Variants in LRBA observed in about 807,000 individuals in gnomAD.
The protein encoded by LRBA is lipopolysaccharide-responsive and beige-like anchor protein.
In LRBA, 176 loss-of-function variants were observed where a neutral mutation model predicts 330.0. The ratio of observed to expected loss-of-function variants is 0.53; its 90% CI spans 0.47 to 0.60. LRBA has a LOEUF of 0.60. LRBA is among the 20% of genes least tolerant of loss of function. The pLI, the probability that LRBA is intolerant of heterozygous loss-of-function variation, is 0.00. For missense variants in LRBA, 3,259 were observed against 3,444.8 expected (o/e 0.95, Z 1.35); for synonymous variants, 1,230 against 1,193.0 (o/e 1.03, Z -0.64).
chr4:150,834,689 T>A (rs1314975103), intron 28 of LRBA, among the ~76,000 whole-genome samples: 1 of 152,206 alleles, frequency 6.6e-6, no homozygotes, highest in Non-Finnish European at 1.5e-5. Context: ...TAATTGTGCA[T>A]TGGCTTTAAC....
chr4:150,653,267 A>T (rs1779878212), intron 37 of LRBA, among the ~76,000 whole-genome samples: 1 of 152,212 alleles, frequency 6.6e-6, no homozygotes, highest in African/African-American at 2.4e-5. Context: ...TCAAAATATT[A>T]GGTTTTTGAC....
chr4:150,370,480 A>G (rs1740102670), intron 47 of LRBA, among the ~76,000 whole-genome samples: 1 of 151,810 alleles, frequency 6.6e-6, no homozygotes, highest in Non-Finnish European at 1.5e-5. Context: ...TACATTGGAA[A>G]AGGCAAAACT....
intron 40 of LRBA, among the ~76,000 whole-genome samples, chr4:150,522,220 T>C (rs575204275): frequency 6.6e-6 from 1 of 152,238 alleles, no homozygotes; most frequent in South Asian, 2.1e-4. Flanking sequence ...GCCTCAATCT[T>C]GGTCTTTTCA....
chr4:150,507,358 T>C (rs1761233973), intron 40 of LRBA, among the ~76,000 whole-genome samples: 1 of 152,144 alleles, frequency 6.6e-6, no homozygotes, highest in Admixed American at 6.5e-5. Context: ...CAAAACAGCA[T>C]GGTACTGGTA....
At position 150,535,557 on chromosome 4, in the gene LRBA, G is replaced by A. The variant is rs187091291; in HGVS notation, c.6331-44522C>T. 1.1e-3 allele frequency among the ~76,000 whole-genome samples: 165 copies of A among 152,110 alleles called. 2 individuals carry two copies. The highest frequency in any genetic ancestry group is 3.5e-4 in the Non-Finnish European group (24 of 68,000). ...TAAATAAATGCAAATTACAATTCAC[G>A]CAAGAACAGTAATTCCCAATATATT... On this transcript the variant is annotated intron_variant, in intron 40 of 56. Coordinates refer to ENST00000651943, the MANE Select transcript of LRBA (RefSeq NM_001364905.1).
intron 2 of LRBA, among the ~76,000 whole-genome samples, chr4:150,973,625 A>G (rs1739829743): frequency 6.6e-6 from 1 of 152,254 alleles, no homozygotes; most frequent in Non-Finnish European, 1.5e-5. Flanking sequence ...GTGTGATTAC[A>G]TATAAGATAA....
intron 47 of LRBA, among the ~76,000 whole-genome samples, chr4:150,377,067 G>C (rs1462756092): frequency 6.6e-6 from 1 of 151,496 alleles, no homozygotes; most frequent in African/African-American, 2.4e-5. Flanking sequence ...GCCAAGGTCG[G>C]GGATAACCTG....
intron 4 of LRBA, among the ~76,000 whole-genome samples, chr4:150,923,817 T>C (rs985835131): frequency 5.3e-5 from 8 of 152,192 alleles, no homozygotes; most frequent in Admixed American, 2.0e-4. Context: ...AATGAAATCA[T>C]TGGTTTGCCT....
intron 2 of LRBA, among the ~76,000 whole-genome samples, chr4:150,961,426 T>A (rs1738134900): frequency 6.7e-6 from 1 of 149,010 alleles, no homozygotes; most frequent in African/African-American, 2.6e-5. Context: ...AACTTAAAGC[T>A]AAGACAGAAG....
chr4:150,708,158 T>C (rs1182709069), intron 36 of LRBA, among the ~76,000 whole-genome samples: 3 of 64,424 alleles, frequency 4.7e-5, no homozygotes, highest in Non-Finnish European at 1.6e-4. Flanking sequence ...AGAATCCTAT[T>C]AGAAAGAAAA....
At chr4:150,480,089 A>C (rs1036446192) in intron 42 of LRBA, among the ~76,000 whole-genome samples, 1 of 152,198 alleles carries the variant, frequency 6.6e-6, no homozygotes, top group African/African-American at 2.4e-5. Context: ...GAAAAATCCC[A>C]GTGTTCGCTC....
chr4:150,661,296 C>T (rs931306605), intron 37 of LRBA, among the ~76,000 whole-genome samples: 1 of 151,118 alleles, frequency 6.6e-6, no homozygotes, highest in Non-Finnish European at 1.5e-5. Flanking sequence ...CATGGTAAGA[C>T]CCCATCTCTA....
chr4:150,989,060 T>C (rs1308645719), intron 2 of LRBA, among the ~76,000 whole-genome samples: 7 of 152,070 alleles, frequency 4.6e-5, no homozygotes, highest in Non-Finnish European at 1.0e-4. Context: ...TGGAGTACAA[T>C]GGCACAATCT....
At chr4:150,952,663 C>T (rs1009262587) in intron 2 of LRBA, among the ~76,000 whole-genome samples, 3 of 150,664 alleles carry the variant, frequency 2.0e-5, no homozygotes, top group Non-Finnish European at 4.4e-5. Context: ...GTGGGGTGGG[C>T]GGGGTGGAGA....
chr4:150,758,550 G>GC lies in LRBA; in HGVS notation c.5645+3232dup, dbSNP rs374222097. On this transcript the variant is annotated intron_variant, in intron 35 of 56. Transcript: ENST00000651943. ...ATGTTTAACCAGAATTACTACAATA[G>GC]CCCCCTAATTGATCTCTTTGTCTTT... Among the ~76,000 whole-genome samples the GC allele has an allele frequency of 1.5e-4, 22 of 148,610 alleles. No homozygotes were observed. The East Asian group carries it at 4.0e-3, about 27-fold the overall frequency.
At chr4:150,819,327 G>A (rs999709124) in intron 30 of LRBA, among the ~76,000 whole-genome samples, 3 of 151,622 alleles carry the variant, frequency 2.0e-5, no homozygotes, top group Admixed American at 2.0e-4. Context: ...TATCATGATG[G>A]GGACTTAAGG....
At chr4:150,494,836 A>G (rs972557869) in intron 40 of LRBA, among the ~76,000 whole-genome samples, 1 of 152,112 alleles carries the variant, frequency 6.6e-6, no homozygotes, top group Non-Finnish European at 1.5e-5. Context: ...TCAATAAAAA[A>G]ATAAATAAAT....
rs889704893 is a variant in LRBA, at chr4:150,848,801, G to T, written c.4339+17C>A. 4.5e-6 allele frequency: 7 copies of T among 1,559,424 alleles called. No individual in the cohort carries two copies. Among genetic ancestry groups the T allele is most frequent in the South Asian group, 1.2e-5 (1 of 82,184 alleles). On this transcript the variant is annotated intron_variant, in intron 26 of 56. Transcript: ENST00000651943. Reference sequence around the variant, plus strand: ...AAATTTTTTTTAGTAAATTCCCAACGGTTTTTAGCAGCTCACCTAGTCGGA... The same window carrying T: ...AAATTTTTTTTAGTAAATTCCCAACTGTTTTTAGCAGCTCACCTAGTCGGA...
chr4:150,633,730 T>G (rs1184084034), intron 37 of LRBA, among the ~76,000 whole-genome samples: 1 of 152,188 alleles, frequency 6.6e-6, no homozygotes, highest in East Asian at 1.9e-4. Flanking sequence ...CTGGCTACTA[T>G]CAATATCTCC....
Sources: gnomAD v4.1 joint callset for allele counts (sites outside exome capture counted in the v4.1 genomes callset) on GRCh38, gnomAD v4.1.1 for gene constraint, MANE v1.5 for transcripts, NCBI Gene and HGNC (gene_info 2026-07-23, HGNC 2026-07-21) for gene names.